Variants in CDH18 observed in about 807,000 individuals in gnomAD.
CDH18 encodes cadherin 18.
A neutral mutation model predicts 67.9 loss-of-function variants in CDH18; 31 were observed. That is an observed-to-expected ratio of 0.46 (90% confidence interval 0.34 to 0.62). The LOEUF (loss-of-function observed/expected upper bound fraction) is 0.62. Ranked by LOEUF, CDH18 falls within the 20% of genes least tolerant of loss-of-function variation. The pLI is 0.01. For synonymous variants in CDH18, 362 were observed against 347.2 expected (o/e 1.04, Z -0.48); for missense variants, 890 against 975.5 (o/e 0.91, Z 1.17).
chr5:20,563,676 C>A (rs928151928), intron 1 of CDH18, among the ~76,000 whole-genome samples: 5 of 151,964 alleles, frequency 3.3e-5, no homozygotes, highest in Admixed American at 2.6e-4. Context: ...GTTCAGGTAC[C>A]CATTCACAGG....
intron 1 of CDH18, among the ~76,000 whole-genome samples, chr5:20,529,927 T>C (rs1194229815): frequency 6.6e-6 from 1 of 151,982 alleles, no homozygotes; most frequent in African/African-American, 2.4e-5. Flanking sequence ...CATATTCAAA[T>C]AGGAAGAGAG....
At chr5:19,702,391 A>T (rs1203688485) in intron 5 of CDH18, among the ~76,000 whole-genome samples, 3 of 151,316 alleles carry the variant, frequency 2.0e-5, no homozygotes, top group African/African-American at 4.8e-5. Flanking sequence ...TCAGGCAATC[A>T]GCCCACCTTG....
intron 1 of CDH18, among the ~76,000 whole-genome samples, chr5:20,542,530 A>T (rs1400638341): frequency 6.6e-6 from 1 of 151,664 alleles, no homozygotes; most frequent in Non-Finnish European, 1.5e-5. Context: ...TATATATGCT[A>T]TATATGCATA....
At chr5:20,161,419 A>G (rs542949456) in intron 2 of CDH18, among the ~76,000 whole-genome samples, 139 of 152,178 alleles carry the variant, frequency 9.1e-4, no homozygotes, top group Non-Finnish European at 1.7e-3. Context: ...ACTTGCTGGC[A>G]CTATGCTTGG....
intron 3 of CDH18, among the ~76,000 whole-genome samples, chr5:19,795,763 G>T (rs533718440): frequency 5.1e-4 from 77 of 151,966 alleles, no homozygotes; most frequent in Non-Finnish European, 9.7e-4. Flanking sequence ...TGTCAACACC[G>T]CAATGAACCA....
At chr5:19,844,250 A>C (rs971787041) in intron 2 of CDH18, among the ~76,000 whole-genome samples, 9 of 152,144 alleles carry the variant, frequency 5.9e-5, no homozygotes, top group African/African-American at 2.2e-4. Context: ...CTCATCTTGA[A>C]TTCTAATCCG....
At chr5:19,489,373 A>G (rs972797822) in intron 11 of CDH18, among the ~76,000 whole-genome samples, 12 of 151,302 alleles carry the variant, frequency 7.9e-5, no homozygotes, top group African/African-American at 2.9e-4. Flanking sequence ...TCAGCCTCCA[A>G]AGTAGCTGGG....
intron 2 of CDH18, among the ~76,000 whole-genome samples, chr5:19,922,521 G>T (rs1158912693): frequency 1.3e-5 from 2 of 152,142 alleles, no homozygotes; most frequent in East Asian, 3.8e-4. Flanking sequence ...GATCCTGTCA[G>T]ATTTATATTT....
intron 1 of CDH18, among the ~76,000 whole-genome samples, chr5:20,408,933 A>C (rs145715205): frequency 0.01 from 1,530 of 151,998 alleles, 15 homozygotes; most frequent in Non-Finnish European, 0.017. Flanking sequence ...TCTCAGAAAA[A>C]AATTAGACTT....
intron 1 of CDH18, among the ~76,000 whole-genome samples, chr5:20,332,930 A>G (rs1404420743): frequency 6.6e-6 from 1 of 152,152 alleles, no homozygotes; most frequent in Non-Finnish European, 1.5e-5. Context: ...TAAACATGCT[A>G]GTTCACCTAA....
intron 2 of CDH18, among the ~76,000 whole-genome samples, chr5:20,096,211 T>A (rs1421850249): frequency 6.6e-6 from 1 of 152,166 alleles, no homozygotes; most frequent in Non-Finnish European, 1.5e-5. Flanking sequence ...ATTCAAAATG[T>A]CATACTTCTT....
intron 8 of CDH18, among the ~76,000 whole-genome samples, chr5:19,559,933 A>AAAAAAAAC (rs1290958798): frequency 6.6e-6 from 1 of 151,684 alleles, no homozygotes; most frequent in African/African-American, 2.4e-5. Context: ...AACAAAAAAA[A>AAAAAAAAC]AACTCAGGAA....
At chr5:20,277,323 G>A (rs1561932974) in intron 1 of CDH18, among the ~76,000 whole-genome samples, 1 of 152,052 alleles carries the variant, frequency 6.6e-6, no homozygotes, top group Non-Finnish European at 1.5e-5. Context: ...GACTCTGCTT[G>A]TTTTGGAAAA....
intron 2 of CDH18, among the ~76,000 whole-genome samples, chr5:20,157,812 T>C (rs1380888650): frequency 6.6e-6 from 1 of 152,068 alleles, no homozygotes; most frequent in East Asian, 1.9e-4. Flanking sequence ...CAGCTAATTT[T>C]TGTATTTTTA....
At chr5:19,590,955 T>G in intron 7 of CDH18, 102 bp downstream of exon 7, 1 of 610,510 alleles carries the variant, frequency 1.6e-6, no homozygotes, top group Non-Finnish European at 2.9e-6. Flanking sequence ...TATTTTATCA[T>G]TTTAATGGCC....
intron 11 of CDH18, among the ~76,000 whole-genome samples, chr5:19,487,213 G>C (rs1315722921): frequency 6.6e-6 from 1 of 152,082 alleles, no homozygotes; most frequent in Non-Finnish European, 1.5e-5. Context: ...TTGAAAGGTA[G>C]GTAAATAGGT....
chr5:19,708,346 A>G (rs1764225260), intron 5 of CDH18, among the ~76,000 whole-genome samples: 1 of 152,114 alleles, frequency 6.6e-6, no homozygotes. Flanking sequence ...TGTGCTTTTA[A>G]TTTGTGTTGT....
intron 6 of CDH18, among the ~76,000 whole-genome samples, chr5:19,596,959 T>G (rs1485344079): frequency 6.6e-6 from 1 of 152,204 alleles, no homozygotes; most frequent in Non-Finnish European, 1.5e-5. Flanking sequence ...TGTCCTTGAG[T>G]AATCATTTCC....
At chr5:20,104,039 G>A (rs1204851404) in intron 2 of CDH18, among the ~76,000 whole-genome samples, 1 of 150,610 alleles carries the variant, frequency 6.6e-6, no homozygotes, top group South Asian at 2.1e-4. Flanking sequence ...TTATGAATAT[G>A]ACTATAGATG....
Sources: gnomAD v4.1 joint callset for allele counts (sites outside exome capture counted in the v4.1 genomes callset) on GRCh38, gnomAD v4.1.1 for gene constraint, MANE v1.5 for transcripts, NCBI Gene and HGNC (gene_info 2026-07-23, HGNC 2026-07-21) for gene names.